Variants in RAP1A observed in about 807,000 individuals in gnomAD.
RAP1A encodes the protein ras-related protein Rap-1A.
In RAP1A, 6 loss-of-function variants were observed where a neutral mutation model predicts 26.4. That is an observed-to-expected ratio of 0.23 (90% CI 0.12 to 0.45). The LOEUF is 0.45. Ranked by LOEUF, RAP1A falls within the 20% of genes least tolerant of loss-of-function variation. The pLI is 0.99. For missense variants in RAP1A, 121 were observed against 217.2 expected, an observed-to-expected ratio of 0.56 and a Z score of 2.78; for synonymous variants, 73 against 79.4, an observed-to-expected ratio of 0.92 and a Z score of 0.43.
chr1:111,642,463 G>A (rs921574404), intron 1 of RAP1A, among the ~76,000 whole-genome samples: 2 of 150,460 alleles, frequency 1.3e-5, no homozygotes, highest in South Asian at 2.1e-4. Flanking sequence ...AAGTTAATGC[G>A]TCTTCTGATA....
chr1:111,590,549 T>C (rs748128489), intron 1 of RAP1A, among the ~76,000 whole-genome samples: 2 of 152,248 alleles, frequency 1.3e-5, no homozygotes, highest in East Asian at 1.9e-4. Flanking sequence ...TTTTCTCCTT[T>C]AATGTATAAA....
intron 1 of RAP1A, among the ~76,000 whole-genome samples, chr1:111,556,774 G>A (rs1657507629): frequency 6.6e-6 from 1 of 152,104 alleles, no homozygotes; most frequent in African/African-American, 2.4e-5. Flanking sequence ...TGGGTATAAA[G>A]CTTTACTCTG....
chr1:111,648,486 C>T lies in RAP1A; in HGVS notation c.-28+28552C>T, dbSNP rs113846133. On this transcript the variant is annotated intron_variant, in intron 1 of 7. Coordinates refer to ENST00000369709, the MANE Select transcript of RAP1A (RefSeq NM_002884.4). ...AGTTTGACCTTGATATTCAGCAGGG[C>T]CTCGTACTCACTCCTGGGCCTGGCG... 4.2e-5 allele frequency: 23 copies of T among 550,340 alleles called. 1 individual carries two copies. The highest frequency in any genetic ancestry group is 9.4e-5 in the African/African-American group (5 of 53,406). The allele number at this position is 550,340 out of a possible 1,614,324, so 34.1% of individuals were successfully genotyped here.
chr1:111,667,079 T>G (rs1268952634), intron 1 of RAP1A, among the ~76,000 whole-genome samples: 1 of 152,188 alleles, frequency 6.6e-6, no homozygotes, highest in East Asian at 1.9e-4. Flanking sequence ...GTAGAGGAAC[T>G]CAAGTGAGCA....
At chr1:111,545,511 T>C (rs182093254) in intron 1 of RAP1A, among the ~76,000 whole-genome samples, 2 of 152,252 alleles carry the variant, frequency 1.3e-5, no homozygotes, top group East Asian at 3.9e-4. Context: ...TCTTTATGTA[T>C]TCTGGCTACT....
At chr1:111,566,067 A>G (rs1227446388) in intron 1 of RAP1A, among the ~76,000 whole-genome samples, 1 of 152,090 alleles carries the variant, frequency 6.6e-6, no homozygotes, top group Non-Finnish European at 1.5e-5. Flanking sequence ...GGAAGAAAAA[A>G]TAAACAGAAG....
chr1:111,584,401 G>C (rs1658321603), intron 1 of RAP1A, among the ~76,000 whole-genome samples: 1 of 152,104 alleles, frequency 6.6e-6, no homozygotes, highest in Admixed American at 6.6e-5. Flanking sequence ...CAAGGTGCCA[G>C]CAGACTCAGC....
chr1:111,610,952 T>C (rs1658916904), intron 1 of RAP1A, among the ~76,000 whole-genome samples: 1 of 106,168 alleles, frequency 9.4e-6, no homozygotes, highest in South Asian at 3.8e-4. Flanking sequence ...TTGTACTGAA[T>C]GGAAGAAACA....
intron 1 of RAP1A, among the ~76,000 whole-genome samples, chr1:111,586,009 TAAAA>T (rs1658358780): frequency 6.6e-6 from 1 of 152,190 alleles, no homozygotes; most frequent in Non-Finnish European, 1.5e-5. Flanking sequence ...ATCTCACTAA[TAAAA>T]CAACACAATT....
In RAP1A at chr1:111,715,080, T is replaced by G. The variant is rs1662495210; in HGVS notation, c.*2679T>G. ...CACCAGGGGGAGCTTCAACATCGGTTAATACTTTTTTTTTTTTTGAGATGG... is the reference window on the plus strand; with the variant it reads ...CACCAGGGGGAGCTTCAACATCGGTGAATACTTTTTTTTTTTTTGAGATGG... On this transcript the variant is annotated 3_prime_UTR_variant, in exon 8 of 8. Transcript: ENST00000369709. 1 of 148,016 alleles carries G rather than the reference T, an allele frequency of 6.8e-6. No individual in the cohort carries two copies. The highest frequency in any genetic ancestry group is 2.2e-4 in the South Asian group (1 of 4,548). 9.2% of individuals were successfully genotyped at this position (148,016 alleles called of 1,614,324 possible).
chr1:111,609,826 G>A (rs1373327134), intron 1 of RAP1A, among the ~76,000 whole-genome samples: 1 of 152,074 alleles, frequency 6.6e-6, no homozygotes, highest in African/African-American at 2.4e-5. Flanking sequence ...AGTAGAGATG[G>A]GTTTCACCTT....
upstream of RAP1A, among the ~76,000 whole-genome samples, chr1:111,617,508 C>G (rs1321909706): frequency 6.6e-6 from 1 of 152,148 alleles, no homozygotes; most frequent in African/African-American, 2.4e-5. Context: ...TCTCGGCTCA[C>G]TGCAAGTTCC....
At chr1:111,710,336 A>G (rs1237518929) in intron 7 of RAP1A, among the ~76,000 whole-genome samples, 1 of 152,256 alleles carries the variant, frequency 6.6e-6, no homozygotes, top group African/African-American at 2.4e-5. Context: ...TTATGACAGC[A>G]TTTAAGCTGA....
intron 1 of RAP1A, among the ~76,000 whole-genome samples, chr1:111,583,290 TAA>T (rs33946441): frequency 0.03 from 4,305 of 143,640 alleles, 129 homozygotes; most frequent in African/African-American, 0.088. Flanking sequence ...GCTCATGCTT[TAA>T]AAAAAAAAAA....
intron 1 of RAP1A, among the ~76,000 whole-genome samples, chr1:111,553,246 T>C (rs1025422200): frequency 6.6e-6 from 1 of 152,252 alleles, no homozygotes; most frequent in African/African-American, 2.4e-5. Flanking sequence ...GCCAGGCAGG[T>C]ATGCACACAT....
At chr1:111,667,658 G>T (rs1660835353) in intron 1 of RAP1A, among the ~76,000 whole-genome samples, 1 of 151,324 alleles carries the variant, frequency 6.6e-6, no homozygotes, top group Non-Finnish European at 1.5e-5. Context: ...CTCCAGCCTG[G>T]GCGACAAGAG....
At chr1:111,573,805 G>GT (rs925825351) in intron 1 of RAP1A, among the ~76,000 whole-genome samples, 32 of 150,802 alleles carry the variant, frequency 2.1e-4, no homozygotes, top group East Asian at 1.9e-3. Flanking sequence ...TTTTTTAATG[G>GT]TTTTTTTTTC....
At chr1:111,687,747 C>T (rs1021820259) in intron 1 of RAP1A, among the ~76,000 whole-genome samples, 2 of 152,024 alleles carry the variant, frequency 1.3e-5, no homozygotes, top group Non-Finnish European at 2.9e-5. Context: ...GGTGTGCTGG[C>T]TCATGCCTGT....
chr1:111,618,026 A>G (rs1471366174), upstream of RAP1A, among the ~76,000 whole-genome samples: 1 of 138,900 alleles, frequency 7.2e-6, no homozygotes, highest in Non-Finnish European at 1.6e-5. Context: ...CTAGCAACAG[A>G]GCAAGACTCC....
Sources: allele counts gnomAD v4.1 joint callset (sites outside exome capture counted in the v4.1 genomes callset), GRCh38; gene constraint gnomAD v4.1.1; transcripts MANE v1.5; gene names NCBI Gene and HGNC (gene_info 2026-07-23, HGNC 2026-07-21).